REPS1: variants seen among roughly 807,000 people sequenced by gnomAD.
REPS1 encodes the protein RALBP1 associated Eps domain containing 1, also known as ralBP1-associated Eps domain-containing protein 1.
A neutral mutation model predicts 100.9 loss-of-function variants in REPS1; 39 were observed. The ratio of observed to expected loss-of-function variants is 0.39; its 90% confidence interval spans 0.30 to 0.50. The LOEUF is 0.50. REPS1 is among the 20% of genes least tolerant of loss of function. The probability of loss-of-function intolerance (pLI) is 0.86; values close to 1 mark genes in which losing one functional copy is unlikely to be tolerated. For missense variants in REPS1, 821 were observed against 968.5 expected (o/e 0.85, Z 2.02); for synonymous variants, 324 against 340.3 (o/e 0.95, Z 0.53).
At chr6:138,927,890 AG>A (rs1781240298) in intron 9 of REPS1, 1 of 152,352 alleles carries the variant, frequency 6.6e-6, no homozygotes, top group African/African-American at 2.4e-5. Flanking sequence ...GGGACACAGA[AG>A]GAAGTTTTAA....
intron 1 of REPS1, among the ~76,000 whole-genome samples, chr6:138,966,513 C>T (rs1275620209): frequency 6.6e-6 from 1 of 152,156 alleles, no homozygotes; most frequent in Non-Finnish European, 1.5e-5. Context: ...ATCCTAACAA[C>T]CCTATGAGGT....
chr6:138,981,777 C>G (rs1250074623), intron 1 of REPS1, among the ~76,000 whole-genome samples: 1 of 152,168 alleles, frequency 6.6e-6, no homozygotes, highest in Admixed American at 6.5e-5. Flanking sequence ...TTAGCTGATG[C>G]CAGAACTGGA....
At chr6:138,923,468 A>G (rs1416740498) in intron 10 of REPS1, among the ~76,000 whole-genome samples, 1 of 152,196 alleles carries the variant, frequency 6.6e-6, no homozygotes, top group Admixed American at 6.5e-5. Context: ...ATAAAATCAG[A>G]TTTATAAAGC....
intron 1 of REPS1, among the ~76,000 whole-genome samples, chr6:138,986,428 G>A (rs983842412): frequency 3.9e-5 from 6 of 152,204 alleles, no homozygotes; most frequent in Non-Finnish European, 8.8e-5. Flanking sequence ...ATTTTTGTTG[G>A]AAGAAACTTG....
chr6:138,972,683 T>TAAA (rs11330627), intron 1 of REPS1, among the ~76,000 whole-genome samples: 2 of 133,102 alleles, frequency 1.5e-5, no homozygotes. Flanking sequence ...ACAATACCAC[T>TAAA]AAAAAAAAAA....
chr6:138,932,379 T>C (rs1398453139), intron 8 of REPS1, among the ~76,000 whole-genome samples: 1 of 152,192 alleles, frequency 6.6e-6, no homozygotes, highest in Non-Finnish European at 1.5e-5. Flanking sequence ...GCTTTTCCCA[T>C]GTTGACATTT....
rs200925718 is a variant in REPS1 at position 138,907,480 on chromosome 6, C to T, written c.2322+15G>A. 151 of 1,574,240 alleles carry T rather than the reference C, an allele frequency of 9.6e-5. No individual in the cohort carries two copies. The highest frequency in any genetic ancestry group is 1.8e-4 in the Admixed American group (11 of 59,838). On this transcript the variant is annotated intron_variant, in intron 19 of 19. Coordinates refer to ENST00000450536, the MANE Select transcript of REPS1 (RefSeq NM_001286611.2). ...TAAGATAAGGAACATTATAAAGATT[C>T]AGAAACTATATTACCTTTAATTGTT...
chr6:138,959,110 T>C (rs2128490770), intron 1 of REPS1, among the ~76,000 whole-genome samples: 1 of 152,298 alleles, frequency 6.6e-6, no homozygotes, highest in South Asian at 2.1e-4. Flanking sequence ...CAGGATAATG[T>C]CAGCTTCCTC....
At chr6:138,932,865 A>C (rs1781572457) in intron 8 of REPS1, among the ~76,000 whole-genome samples, 1 of 152,254 alleles carries the variant, frequency 6.6e-6, no homozygotes, top group African/African-American at 2.4e-5. Flanking sequence ...ACAATGCTGA[A>C]GGTTTCAAGG....
chr6:138,935,748 G>A (rs888135772), intron 8 of REPS1, among the ~76,000 whole-genome samples: 2 of 151,202 alleles, frequency 1.3e-5, no homozygotes, highest in Non-Finnish European at 2.9e-5. Flanking sequence ...CAGCTACTCG[G>A]GAGGCTGAGG....
intron 1 of REPS1, among the ~76,000 whole-genome samples, chr6:138,954,637 T>C (rs1457296742): frequency 6.6e-6 from 1 of 152,146 alleles, no homozygotes; most frequent in Non-Finnish European, 1.5e-5. Context: ...CAAGCTCACA[T>C]TATATATTTG....
chr6:138,929,967 C>T lies in REPS1; in HGVS notation c.1257+10G>A. On this transcript the variant is annotated intron_variant, in intron 9 of 19. Coordinates refer to ENST00000450536, the MANE Select transcript of REPS1 (RefSeq NM_001286611.2). The stretch of plus-strand genomic sequence containing the variant: ...AACTTTTAATGAAAGAAAAGGAAAG[C>T]TTTGCTAACCTCACTGCTCTGATTC... The T allele has an allele frequency of 6.2e-7, 1 of 1,610,818 alleles. No individual in the cohort carries two copies. The highest frequency in any genetic ancestry group is 1.1e-5 in the South Asian group (1 of 90,532).
intron 2 of REPS1, among the ~76,000 whole-genome samples, chr6:138,946,007 AC>A (rs761225842): frequency 2.3e-4 from 35 of 152,268 alleles, no homozygotes; most frequent in Non-Finnish European, 4.3e-4. Flanking sequence ...TAACCACAGT[AC>A]CCCTGCAAAG....
At chr6:138,973,399 T>C (rs1448497346) in intron 1 of REPS1, among the ~76,000 whole-genome samples, 1 of 152,036 alleles carries the variant, frequency 6.6e-6, no homozygotes, top group African/African-American at 2.4e-5. Flanking sequence ...TCTGTAAATA[T>C]CTCAATGTAG....
intron 1 of REPS1, among the ~76,000 whole-genome samples, chr6:138,984,001 T>C (rs1392703226): frequency 6.6e-6 from 1 of 152,102 alleles, no homozygotes; most frequent in Non-Finnish European, 1.5e-5. Context: ...TGCCCCACTG[T>C]ATTCTCACCA....
chr6:138,933,998 G>C (rs1292941586), intron 8 of REPS1, among the ~76,000 whole-genome samples: 1 of 152,120 alleles, frequency 6.6e-6, no homozygotes, highest in Non-Finnish European at 1.5e-5. Context: ...TGCTGTCCTA[G>C]AAAATCCAAA....
intron 1 of REPS1, among the ~76,000 whole-genome samples, chr6:138,981,648 G>A (rs562440518): frequency 4.6e-5 from 7 of 152,116 alleles, no homozygotes; most frequent in Non-Finnish European, 1.0e-4. Flanking sequence ...TTTTAAAGGG[G>A]TGTGGCTGGA....
chr6:138,953,924 A>G (rs892097446), intron 1 of REPS1, among the ~76,000 whole-genome samples: 2 of 152,214 alleles, frequency 1.3e-5, no homozygotes, highest in African/African-American at 4.8e-5. Flanking sequence ...ACAATAGCCA[A>G]GATATGAAAT....
intron 3 of REPS1, 43 bp from the exon 4 acceptor site, chr6:138,945,415 A>AT (rs1445381907): frequency 1.3e-6 from 2 of 1,585,878 alleles, no homozygotes; most frequent in African/African-American, 2.7e-5. Context: ...TTAAGGAGAC[A>AT]TTTTAATTAT....
Sources: allele counts gnomAD v4.1 joint callset (sites outside exome capture counted in the v4.1 genomes callset), GRCh38; gene constraint gnomAD v4.1.1; transcripts MANE v1.5; gene names NCBI Gene and HGNC (gene_info 2026-07-23, HGNC 2026-07-21).